IQSEC1: variants seen among roughly 807,000 people sequenced by gnomAD.
IQSEC1 encodes the protein IQ motif and SEC7 domain-containing protein 1.
Under a neutral mutation model 91.0 loss-of-function variants are expected in IQSEC1, and 31 were observed. The observed-to-expected ratio is 0.34, with a 90% confidence interval of 0.26 to 0.46. The LOEUF is 0.46. Ranked by LOEUF, IQSEC1 falls within the 20% of genes least tolerant of loss-of-function variation. IQSEC1 has a pLI of 1.00. For synonymous variants in IQSEC1, 699 were observed against 662.6 expected (o/e 1.05, Z -0.84); for missense variants, 1,388 against 1,575.6 (o/e 0.88, Z 2.02).
At chr3:13,031,968 G>A (rs1017620286) in intron 1 of IQSEC1, among the ~76,000 whole-genome samples, 1 of 152,098 alleles carries the variant, frequency 6.6e-6, no homozygotes, top group African/African-American at 2.4e-5. Context: ...TGAGTTAATT[G>A]CGGACCCACA....
At chr3:13,045,391 T>C (rs533010035) in intron 1 of IQSEC1, among the ~76,000 whole-genome samples, 1 of 152,314 alleles carries the variant, frequency 6.6e-6, no homozygotes, top group Admixed American at 6.5e-5. Flanking sequence ...CGAGGGATCC[T>C]GAGTGCCCGA....
At chr3:13,067,351 G>T (rs1705269731) in intron 1 of IQSEC1, among the ~76,000 whole-genome samples, 1 of 152,234 alleles carries the variant, frequency 6.6e-6, no homozygotes, top group Non-Finnish European at 1.5e-5. Flanking sequence ...CCAGCACCCA[G>T]GAGCAACGCC....
chr3:13,004,144 C>T (rs1702537694), intron 1 of IQSEC1, among the ~76,000 whole-genome samples: 1 of 152,128 alleles, frequency 6.6e-6, no homozygotes, highest in Admixed American at 6.5e-5. Flanking sequence ...GGAGAAAAAG[C>T]CCTGAGCTAG....
At chr3:13,037,492 T>C (rs7621818) in intron 1 of IQSEC1, among the ~76,000 whole-genome samples, 16,536 of 152,188 alleles carry the variant, frequency 0.11, 2,900 homozygotes, top group African/African-American at 0.37. Context: ...TACATTGCAA[T>C]ATGGATGAAT....
chr3:13,107,659 G>C (rs917566316), intron 2 of IQSEC1, among the ~76,000 whole-genome samples: 4 of 152,250 alleles, frequency 2.6e-5, no homozygotes, highest in African/African-American at 9.6e-5. Context: ...CTGGCATCAT[G>C]GTGGTCTATA....
intron 1 of IQSEC1, among the ~76,000 whole-genome samples, chr3:13,260,844 G>C (rs776187290): frequency 1.3e-5 from 2 of 152,234 alleles, no homozygotes; most frequent in Non-Finnish European, 2.9e-5. Flanking sequence ...TTTGAAGGAA[G>C]AGGAGAGTGG....
intron 12 of IQSEC1, among the ~76,000 whole-genome samples, chr3:12,903,898 CTG>C (rs1190778551): frequency 1.3e-5 from 2 of 152,244 alleles, no homozygotes; most frequent in African/African-American, 4.8e-5. Context: ...GAGAGGAACA[CTG>C]AGGCCCAATT....
rs1457285011 is a variant in IQSEC1, at chr3:12,940,272, A to G, written c.318+1299T>C. 3.3e-5 allele frequency among the ~76,000 whole-genome samples: 5 copies of G among 152,078 alleles called. No homozygotes were observed. The highest frequency in any genetic ancestry group is 1.2e-4 in the African/African-American group (5 of 41,464). ...GGGGGCTTCCCTGTCAAGAGAGTGG[A>G]CGACCCCCAACCCCAGGCAGTATCT... is the stretch of plus-strand genomic sequence containing the variant. On this transcript the variant is annotated intron_variant, in intron 2 of 13. Coordinates refer to ENST00000613206, the MANE Select transcript of IQSEC1 (RefSeq NM_001134382.3). The surrounding 1 kb of genome is among the most constrained non-coding windows in gnomAD (Gnocchi z 4.4).
At position 12,936,500 on chromosome 3, in the gene IQSEC1, T is replaced by C; in HGVS notation, c.516A>G (p.Lys172=). 6.2e-7 allele frequency: 1 copy of C among 1,613,460 alleles called. No homozygotes were observed. Among genetic ancestry groups the C allele is most frequent in the Non-Finnish European group, 8.5e-7 (1 of 1,179,992 alleles). Reference sequence around the variant, plus strand: ...TCCCCTCGAAGTAGGAGCTGTGCACTTTCTCAGGCCCCTCAAAGGAGAACT... The same window carrying C: ...TCCCCTCGAAGTAGGAGCTGTGCACCTTCTCAGGCCCCTCAAAGGAGAACT... ...RMQFSFEGPE[K]VHSSYFEGKQ... Residue 172 remains lysine, a synonymous_variant, in exon 3 of 14, where the codon AAA becomes AAG. Coordinates refer to ENST00000613206, the MANE Select transcript of IQSEC1 (RefSeq NM_001134382.3).
rs185952286 is a variant in IQSEC1 at position 13,179,769 on chromosome 3, G to A, written c.273-15636C>T. Among the ~76,000 whole-genome samples the A allele has an allele frequency of 7.2e-5, 11 of 152,364 alleles. No homozygotes were observed. The East Asian group carries it at 1.2e-3, about 16-fold the overall frequency. On this transcript the variant is annotated intron_variant, in intron 1 of 15. Coordinates refer to the IQSEC1 transcript ENST00000648114. ...GAGGTGTGGAGGGAGAGGTGCGGGC[G>A]GGAACCGGGGCTATGCACGGTGCTT...
chr3:13,138,309 C>T (rs144959027), intron 2 of IQSEC1, among the ~76,000 whole-genome samples: 7 of 137,716 alleles, frequency 5.1e-5, no homozygotes, highest in Middle Eastern at 6.8e-3. Flanking sequence ...CCCTCCACTT[C>T]GGACCTGGGG....
At position 12,968,551 on chromosome 3, in the gene IQSEC1, C is replaced by T. The variant is rs902607931; in HGVS notation, c.24-26686G>A. On this transcript the variant is annotated intron_variant, in intron 1 of 13. Coordinates refer to ENST00000613206, the MANE Select transcript of IQSEC1 (RefSeq NM_001134382.3). Reference sequence around the variant, plus strand: ...CAGCTTAACTGGGCCAACTAAGAGACGGCTTCCCTCACTCTTTCCTCCTCT... The same window carrying T: ...CAGCTTAACTGGGCCAACTAAGAGATGGCTTCCCTCACTCTTTCCTCCTCT... Among the ~76,000 whole-genome samples, 10 of 152,302 alleles carry T rather than the reference C, an allele frequency of 6.6e-5. No homozygotes were observed. In the East Asian group the frequency reaches 9.6e-4, roughly 15 times the overall value.
chr3:12,899,470 A>G lies in IQSEC1; in HGVS notation c.*1513T>C. 6.3e-7 allele frequency: 1 copy of G among 1,599,884 alleles called. No homozygotes were observed. The highest frequency in any genetic ancestry group is 1.1e-5 in the South Asian group (1 of 89,296). ...TGGCCCGTGGGTGACTCGGGCACAG[A>G]CCTGCCGCGTGCAGGTCTGGCCCTG... On this transcript the variant is annotated 3_prime_UTR_variant, in exon 14 of 14. Coordinates refer to ENST00000613206, the MANE Select transcript of IQSEC1 (RefSeq NM_001134382.3).
chr3:12,906,264 C>T (rs977667160), intron 12 of IQSEC1, among the ~76,000 whole-genome samples: 8 of 152,326 alleles, frequency 5.3e-5, no homozygotes, highest in African/African-American at 1.9e-4. Flanking sequence ...ACAAGCTCAT[C>T]GTGGTGTTTC....
At chr3:12,974,453 C>A (rs1307215663) in intron 1 of IQSEC1, among the ~76,000 whole-genome samples, 1 of 152,242 alleles carries the variant, frequency 6.6e-6, no homozygotes, top group Non-Finnish European at 1.5e-5. Flanking sequence ...GGTCCCCCTG[C>A]AGAGCCTAGT....
In IQSEC1 at chr3:13,073,090, G is replaced by T. The variant is rs371322761; in HGVS notation, c.-76C>A. On this transcript the variant is annotated 5_prime_UTR_variant, in exon 1 of 14. Coordinates refer to ENST00000613206, the MANE Select transcript of IQSEC1 (RefSeq NM_001134382.3). The stretch of plus-strand genomic sequence containing the variant: ...CTCAACGTGTTTCCAAGAGGAGCAG[G>T]CGGCTCAGGCAAGAAGTGGAGGGGA... The T allele has an allele frequency of 1.6e-5, 25 of 1,530,256 alleles. No homozygotes were observed. The African/African-American group carries it at 3.2e-4, about 19-fold the overall frequency. 94.8% of individuals were successfully genotyped at this position (1,530,256 alleles called of 1,614,324 possible).
At chr3:13,268,282 C>T (rs1374115974) in intron 1 of IQSEC1, among the ~76,000 whole-genome samples, 1 of 152,232 alleles carries the variant, frequency 6.6e-6, no homozygotes, top group Non-Finnish European at 1.5e-5. Flanking sequence ...AGCTGTACAA[C>T]CCTAGACAAG....
chr3:13,225,692 G>T (rs1694740751), intron 1 of IQSEC1, among the ~76,000 whole-genome samples: 1 of 152,162 alleles, frequency 6.6e-6, no homozygotes, highest in Non-Finnish European at 1.5e-5. Flanking sequence ...CACATAAATA[G>T]ATCACTTCTA....
intron 6 of IQSEC1, among the ~76,000 whole-genome samples, chr3:12,917,478 G>A (rs1263342607): frequency 6.6e-6 from 1 of 152,198 alleles, no homozygotes; most frequent in East Asian, 1.9e-4. Flanking sequence ...GAATGTCATA[G>A]AGTTGGAATC....
Sources: gnomAD v4.1 joint callset for allele counts (sites outside exome capture counted in the v4.1 genomes callset) on GRCh38, gnomAD v4.1.1 for gene constraint, Gnocchi (gnomAD v3.1) non-coding constraint, MANE v1.5 for transcripts, NCBI Gene and HGNC (gene_info 2026-07-23, HGNC 2026-07-21) for gene names.